The following BRI3 variants were observed in gnomAD, a reference collection of about 807,000 sequenced individuals.
BRI3 encodes brain protein I3.
BRI3 carries 6 observed loss-of-function variants against 12.8 expected under a neutral mutation model. The ratio of observed to expected loss-of-function variants is 0.47; its 90% confidence interval spans 0.26 to 0.93. The LOEUF is 0.93. Ranked by LOEUF, BRI3 falls within the 40% of genes least tolerant of loss-of-function variation. The probability of loss-of-function intolerance (pLI) is 0.15; values close to 1 mark genes in which losing one functional copy is unlikely to be tolerated. For synonymous variants in BRI3, 91 were observed against 76.1 expected, an observed-to-expected ratio of 1.20 and a Z score of -1.02; for missense variants, 134 against 171.1, an observed-to-expected ratio of 0.78 and a Z score of 1.21.
intron 1 of BRI3, among the ~76,000 whole-genome samples, chr7:98,300,843 C>G (rs1160750534): frequency 1.3e-5 from 2 of 152,156 alleles, no homozygotes; most frequent in Non-Finnish European, 2.9e-5. Flanking sequence ...GCTCTTGAGC[C>G]CCCCAAGTCA....
upstream of BRI3, among the ~76,000 whole-genome samples, chr7:98,303,613 C>A (rs1800515258): frequency 6.6e-6 from 1 of 152,206 alleles, no homozygotes; most frequent in Admixed American, 6.5e-5. Flanking sequence ...AGCTGGAGAG[C>A]CCACACCAGG....
At chr7:98,318,109 C>A in the BRI3 span, among the ~76,000 whole-genome samples, 2 of 152,194 alleles carry the variant, frequency 1.3e-5, no homozygotes, top group African/African-American at 4.8e-5. Flanking sequence ...CTGGTTAGAG[C>A]CCTCACCCCT....
chr7:98,290,178 GT>G (rs1200763476), intron 2 of BRI3, among the ~76,000 whole-genome samples: 3 of 92,310 alleles, frequency 3.2e-5, no homozygotes, highest in East Asian at 2.8e-4. Flanking sequence ...GCCTCTCAAG[GT>G]TGTTTTTTTT....
chr7:98,310,723 G>T, downstream of BRI3: 1 of 723,706 alleles, frequency 1.4e-6, no homozygotes, highest in Non-Finnish European at 2.0e-6. Context: ...GTCTCGCTGT[G>T]TTGCCCAGGC....
intron 1 of BRI3, among the ~76,000 whole-genome samples, chr7:98,298,801 G>A (rs1167577125): frequency 6.6e-6 from 1 of 152,110 alleles, no homozygotes; most frequent in South Asian, 2.1e-4. Context: ...TGTGTCCCCA[G>A]CCCTCAAGGG....
At chr7:98,286,486 G>A (rs933486690) in intron 2 of BRI3, among the ~76,000 whole-genome samples, 5 of 152,222 alleles carry the variant, frequency 3.3e-5, no homozygotes, top group African/African-American at 1.2e-4. Context: ...CGGCTAGAGA[G>A]AGCCGGTCAG....
chr7:98,300,577 G>A (rs1386282339), intron 1 of BRI3, among the ~76,000 whole-genome samples: 1 of 152,154 alleles, frequency 6.6e-6, no homozygotes, highest in Admixed American at 6.6e-5. Context: ...AACCTGCCGT[G>A]GGCCTTGGAC....
At chr7:98,282,525 A>G in intron 2 of BRI3, 72 bp downstream of exon 2, 2 of 1,288,118 alleles carry the variant, frequency 1.6e-6, no homozygotes, top group Non-Finnish European at 2.2e-6. Flanking sequence ...CCAGGACCTC[A>G]CAGCTCTGCT....
At chr7:98,300,866 G>A (rs1258056099) in intron 1 of BRI3, among the ~76,000 whole-genome samples, 1 of 151,924 alleles carries the variant, frequency 6.6e-6, no homozygotes, top group Non-Finnish European at 1.5e-5. Context: ...GCAACGCCCA[G>A]GCCTTGTGTT....
upstream of BRI3, among the ~76,000 whole-genome samples, chr7:98,302,094 A>G (rs999006396): frequency 2.0e-5 from 3 of 152,240 alleles, no homozygotes; most frequent in African/African-American, 7.2e-5. Flanking sequence ...AGGTTTAAGA[A>G]TGAAGCCAGG....
At chr7:98,284,055 T>A (rs1799626378) in intron 2 of BRI3, among the ~76,000 whole-genome samples, 1 of 151,976 alleles carries the variant, frequency 6.6e-6, no homozygotes, top group Non-Finnish European at 1.5e-5. Context: ...TGGAGCGGGG[T>A]CAGACTGTGC....
At chr7:98,312,242 T>A (rs1800901315), downstream of BRI3, 5 of 1,612,770 alleles carry the variant, frequency 3.1e-6, no homozygotes, top group Non-Finnish European at 4.2e-6. Flanking sequence ...CCGAGGCAGC[T>A]TGGAATTCAG....
downstream of BRI3, chr7:98,291,726 C>T (rs982642350): frequency 1.1e-4 from 21 of 192,578 alleles, no homozygotes; most frequent in Middle Eastern, 2.7e-3. Flanking sequence ...TGCCAAGGAC[C>T]AGGCCATGCC....
At chr7:98,295,146 C>G (rs1301581699), downstream of BRI3, among the ~76,000 whole-genome samples, 2 of 152,232 alleles carry the variant, frequency 1.3e-5, no homozygotes, top group East Asian at 3.9e-4. Context: ...CTCTCATGCC[C>G]GATGCCAGCG....
upstream of BRI3, among the ~76,000 whole-genome samples, chr7:98,301,805 C>T (rs1188466192): frequency 6.6e-6 from 1 of 152,222 alleles, no homozygotes; most frequent in Middle Eastern, 3.4e-3. Context: ...GTGGAGGGGA[C>T]AGCCTGAAGC....
At chr7:98,318,527 C>T in the BRI3 span, among the ~76,000 whole-genome samples, 2 of 152,022 alleles carry the variant, frequency 1.3e-5, no homozygotes. Context: ...GATCCACCCG[C>T]CTTGGCCTCC....
exon 1 of BRI3, chr7:98,306,534 G>A: frequency 6.2e-7 from 1 of 1,614,132 alleles, no homozygotes; most frequent in Non-Finnish European, 8.5e-7. Flanking sequence ...CAAAGAGGGA[G>A]AAAAGACCCT....
At chr7:98,301,903 G>A (rs1800446412), upstream of BRI3, among the ~76,000 whole-genome samples, 1 of 152,120 alleles carries the variant, frequency 6.6e-6, no homozygotes, top group South Asian at 2.1e-4. Context: ...GAGGCTGCAG[G>A]GCACCAGGTC....
the BRI3 span, chr7:98,320,012 G>C: frequency 9.9e-6 from 15 of 1,509,020 alleles, no homozygotes; most frequent in Middle Eastern, 1.7e-4. Flanking sequence ...CAGGCTGGGA[G>C]GTCAGGCAGC....
Sources: gnomAD v4.1 joint callset for allele counts (sites outside exome capture counted in the v4.1 genomes callset) on GRCh38, gnomAD v4.1.1 for gene constraint, MANE v1.5 for transcripts, NCBI Gene and HGNC (gene_info 2026-07-23, HGNC 2026-07-21) for gene names.